The following OPHN1 variants were observed in gnomAD, a reference collection of about 807,000 sequenced individuals.
OPHN1 encodes oligophrenin-1.
In OPHN1, 11 loss-of-function variants were observed where a neutral mutation model predicts 60.7. The ratio of observed to expected loss-of-function variants is 0.18; its 90% CI spans 0.11 to 0.30. The LOEUF is 0.30. Among genes scored for constraint, OPHN1 ranks in the 10% least tolerant of loss-of-function variants. OPHN1 has a pLI of 1.00. For missense variants in OPHN1, 449 were observed against 611.0 expected (o/e 0.73, Z 2.80); for synonymous variants, 226 against 222.6 (o/e 1.02, Z -0.14).
At chrX:68,334,226 T>C (rs1241009156) in intron 2 of OPHN1, among the ~76,000 whole-genome samples, 1 of 111,234 alleles carries the variant, frequency 9.0e-6, no homozygotes, top group Non-Finnish European at 1.9e-5. Context: ...TAGACTAAGG[T>C]AAGAATTATA....
At chrX:68,345,944 C>T (rs1477365956) in intron 2 of OPHN1, among the ~76,000 whole-genome samples, 2 of 111,518 alleles carry the variant, frequency 1.8e-5, no homozygotes, top group East Asian at 2.8e-4. Context: ...CTGGGCAACA[C>T]GGTGAAACCC....
At chrX:68,204,822 G>A in intron 10 of OPHN1, among the ~76,000 whole-genome samples, 1 of 112,149 alleles carries the variant, frequency 8.9e-6, no homozygotes, top group Non-Finnish European at 1.9e-5. Context: ...AGGAGGATAT[G>A]AAAGTGGTAT....
chrX:68,286,770 C>T (rs1211156040), intron 3 of OPHN1, among the ~76,000 whole-genome samples: 2 of 111,410 alleles, frequency 1.8e-5, no homozygotes, highest in African/African-American at 6.5e-5. Context: ...AATCCTAGTA[C>T]TCTGGGAGGC....
intron 20 of OPHN1, among the ~76,000 whole-genome samples, chrX:68,066,330 C>T (rs1043113764): frequency 9.0e-6 from 1 of 111,727 alleles, no homozygotes; most frequent in Non-Finnish European, 1.9e-5. Flanking sequence ...TAAAGGTTGC[C>T]TGTGCCCTAC....
At chrX:68,353,408 G>GGA (rs1181493323) in intron 2 of OPHN1, among the ~76,000 whole-genome samples, 2 of 48,157 alleles carry the variant, frequency 4.2e-5, no homozygotes, top group African/African-American at 1.4e-4. Flanking sequence ...GTCTCTACAG[G>GGA]AAAAAAAAAA....
chrX:68,325,542 A>T (rs988432972), intron 2 of OPHN1, among the ~76,000 whole-genome samples: 1 of 97,059 alleles, frequency 1.0e-5, no homozygotes, highest in Non-Finnish European at 2.1e-5. Flanking sequence ...ATAAAACTAC[A>T]TGGATTATAA....
chrX:68,384,441 C>A (rs1474936908), intron 2 of OPHN1, among the ~76,000 whole-genome samples: 1 of 111,977 alleles, frequency 8.9e-6, no homozygotes, highest in Non-Finnish European at 1.9e-5. Context: ...GTCTTTTGGC[C>A]GGGCACCGTG....
At chrX:68,107,723 G>A (rs1054106555) in intron 18 of OPHN1, among the ~76,000 whole-genome samples, 2 of 111,368 alleles carry the variant, frequency 1.8e-5, no homozygotes, top group East Asian at 2.8e-4. Context: ...TGATCCACCC[G>A]CCTCGGCCTC....
chrX:68,418,166 T>A (rs955477698), intron 2 of OPHN1, among the ~76,000 whole-genome samples: 3 of 112,048 alleles, frequency 2.7e-5, no homozygotes, highest in Non-Finnish European at 5.6e-5. Flanking sequence ...CCTCTGAATG[T>A]CAGAGGCTGC....
At chrX:68,221,624 G>A (rs1290534665) in intron 6 of OPHN1, among the ~76,000 whole-genome samples, 5 of 88,133 alleles carry the variant, frequency 5.7e-5, no homozygotes, top group Admixed American at 1.4e-4. Flanking sequence ...AAATAATGCC[G>A]CATACCTACA....
chrX:68,163,998 C>G (rs1262469345), intron 15 of OPHN1, among the ~76,000 whole-genome samples: 1 of 111,557 alleles, frequency 9.0e-6, no homozygotes, highest in Non-Finnish European at 1.9e-5. Flanking sequence ...AAAACTCCTT[C>G]CATTTATGGA....
intron 4 of OPHN1, among the ~76,000 whole-genome samples, chrX:68,281,434 T>C (rs1447397619): frequency 8.9e-6 from 1 of 112,232 alleles, no homozygotes; most frequent in Non-Finnish European, 1.9e-5. Flanking sequence ...AAATGAATCA[T>C]TGACCTAAAT....
chrX:68,382,204 G>A (rs1029424870), intron 2 of OPHN1, among the ~76,000 whole-genome samples: 1 of 110,128 alleles, frequency 9.1e-6, no homozygotes, highest in Admixed American at 9.8e-5. Flanking sequence ...AAAATCAGCC[G>A]GGCGTGGTGG....
In OPHN1 at chrX:68,127,820, T is replaced by C. The variant is rs190031637; in HGVS notation, c.1277-8488A>G. 1.2e-3 allele frequency among the ~76,000 whole-genome samples: 138 copies of C among 111,053 alleles called. 1 individual carries two copies. Among genetic ancestry groups the C allele is most frequent in the Non-Finnish European group, 2.4e-3 (125 of 52,959 alleles). On this transcript the variant is annotated intron_variant, in intron 15 of 24. Transcript: ENST00000355520. ...CTTTTAAAAATGACAATACCCACAT[T>C]CCCCCTACATCAGGTAAACCAGAAT... is the stretch of plus-strand genomic sequence containing the variant.
At chrX:68,331,178 T>C in intron 2 of OPHN1, among the ~76,000 whole-genome samples, 1 of 106,386 alleles carries the variant, frequency 9.4e-6, no homozygotes, top group South Asian at 3.8e-4. Context: ...TATATGATTA[T>C]ATACAATATA....
intron 9 of OPHN1, 137 bp downstream of exon 9, chrX:68,210,016 T>C (rs1048226092): frequency 1.5e-5 from 9 of 611,533 alleles, no homozygotes; most frequent in Admixed American, 8.0e-5. Context: ...GTTTTCAGTA[T>C]TCCCTGCCTG....
At chrX:68,300,384 T>C (rs757350959) in intron 2 of OPHN1, among the ~76,000 whole-genome samples, 1 of 112,785 alleles carries the variant, frequency 8.9e-6, no homozygotes, top group East Asian at 2.8e-4. Flanking sequence ...TAGCATTTTG[T>C]CTTTGTCTCA....
chrX:68,086,298 C>A (rs7052025), intron 19 of OPHN1, among the ~76,000 whole-genome samples: 2,754 of 111,158 alleles, frequency 0.025, 91 homozygotes, highest in African/African-American at 0.085. Flanking sequence ...CTATGCATCT[C>A]ATGCAATCAT....
chrX:68,362,846 C>T (rs1416443899), intron 2 of OPHN1, among the ~76,000 whole-genome samples: 1 of 111,469 alleles, frequency 9.0e-6, no homozygotes, highest in African/African-American at 3.3e-5. Context: ...AAATGTCTCA[C>T]ACTAATGCAA....
Sources: gnomAD v4.1 joint callset for allele counts (sites outside exome capture counted in the v4.1 genomes callset) on GRCh38, gnomAD v4.1.1 for gene constraint, MANE v1.5 for transcripts, NCBI Gene and HGNC (gene_info 2026-07-23, HGNC 2026-07-21) for gene names.